DNAH7: variants seen among roughly 807,000 people sequenced by gnomAD.
The protein encoded by DNAH7 is axonemal beta dynein heavy chain 7.
Under a neutral mutation model 444.6 loss-of-function variants are expected in DNAH7, and 397 were observed. That is an observed-to-expected ratio of 0.89 (90% CI 0.82 to 0.97). The LOEUF (loss-of-function observed/expected upper bound fraction) is 0.97. DNAH7 is among the 50% of genes least tolerant of loss of function. DNAH7 has a pLI of 0.00. For synonymous variants in DNAH7, 1,636 were observed against 1,624.4 expected (o/e 1.01, Z -0.17); for missense variants, 4,902 against 4,800.8 (o/e 1.02, Z -0.62).
intron 8 of DNAH7, among the ~76,000 whole-genome samples, chr2:196,021,293 A>T (rs933009590): frequency 6.6e-6 from 1 of 152,212 alleles, no homozygotes; most frequent in Non-Finnish European, 1.5e-5. Context: ...TCGATCCATC[A>T]ACTCATAAAT....
intron 10 of DNAH7, among the ~76,000 whole-genome samples, chr2:196,011,009 G>A (rs1694698002): frequency 6.6e-6 from 1 of 152,142 alleles, no homozygotes; most frequent in Non-Finnish European, 1.5e-5. Context: ...GGAAGGGCAG[G>A]TTTGGGATGG....
At chr2:195,962,274 C>T (rs1409014969) in intron 17 of DNAH7, among the ~76,000 whole-genome samples, 3 of 152,134 alleles carry the variant, frequency 2.0e-5, no homozygotes, top group African/African-American at 7.2e-5. Context: ...GTATACAATG[C>T]CTATCATATG....
At chr2:195,956,949 T>C (rs116266236) in intron 19 of DNAH7, among the ~76,000 whole-genome samples, 2,308 of 152,240 alleles carry the variant, frequency 0.015, 54 homozygotes, top group African/African-American at 0.052. Context: ...AGCCACAGAA[T>C]AGACGGAGAC....
intron 12 of DNAH7, among the ~76,000 whole-genome samples, chr2:195,994,061 T>A (rs1693531932): frequency 6.6e-6 from 1 of 152,256 alleles, no homozygotes; most frequent in Non-Finnish European, 1.5e-5. Flanking sequence ...CCTGCAACTG[T>A]GCATTTAGAC....
At chr2:196,046,339 G>T (rs1206835902) in intron 5 of DNAH7, among the ~76,000 whole-genome samples, 2 of 152,038 alleles carry the variant, frequency 1.3e-5, no homozygotes, top group African/African-American at 4.8e-5. Context: ...AACAAGATCT[G>T]CCCTACCCTC....
At chr2:195,979,630 TAAATG>T (rs1451522587) in intron 15 of DNAH7, among the ~76,000 whole-genome samples, 2 of 151,674 alleles carry the variant, frequency 1.3e-5, no homozygotes, top group Non-Finnish European at 2.9e-5. Flanking sequence ...AGAGCAGAAA[TAAATG>T]AAATTGAAAT....
rs752278270 is a variant in DNAH7 at position 196,028,029 on chromosome 2, T to A, written c.417A>T (p.Leu139Phe). The change falls in exon 6 of 65, where the codon TTA (leucine) becomes TTT (phenylalanine). Residue 139 changes from leucine to phenylalanine, a missense_variant. Leu to Phe is a conservative substitution (Grantham distance 22, BLOSUM62 0). Transcript: ENST00000312428. The part of the protein sequence containing the change: ...VNVIMQQDAD[L>F]DSAVPDGSTI... Reference sequence around the variant, plus strand: ...TGCTTCCATCAGGGACAGCTGAGTCTAAGTCAGCATCTTGTTGCCTAAGAA... The same window carrying A: ...TGCTTCCATCAGGGACAGCTGAGTCAAAGTCAGCATCTTGTTGCCTAAGAA... The A allele has an allele frequency of 5.0e-6, 8 of 1,608,236 alleles. No individual in the cohort carries two copies. The highest frequency in any genetic ancestry group is 6.8e-6 in the Non-Finnish European group (8 of 1,176,942).
intron 1 of DNAH7, 58 bp downstream of exon 1, chr2:196,068,639 C>T (rs2125913923): frequency 1.3e-6 from 2 of 1,548,418 alleles, no homozygotes; most frequent in Non-Finnish European, 1.7e-6. Context: ...CCACCACTTC[C>T]GAAACGCCTG....
At chr2:195,932,338 C>A (rs894876787) in intron 21 of DNAH7, among the ~76,000 whole-genome samples, 2 of 152,168 alleles carry the variant, frequency 1.3e-5, no homozygotes, top group African/African-American at 4.8e-5. Context: ...GTGGGGTTTT[C>A]TAGATATACA....
chr2:195,851,968 A>G (rs1699393998), intron 46 of DNAH7, among the ~76,000 whole-genome samples: 1 of 152,146 alleles, frequency 6.6e-6, no homozygotes, highest in African/African-American at 2.4e-5. Context: ...AGTTAAAAAC[A>G]ACACCACTGG....
Position 195,900,042 on chromosome 2 carries a change from T to C in DNAH7, c.4548+240A>G, listed in dbSNP as rs1335817675. ...CATTTCTCAGGAGTAAGCAATTTTA[T>C]TCCTTGGTAGTACCCCGTTAATGAA... On this transcript the variant is annotated intron_variant, in intron 28 of 64. Transcript: ENST00000312428. 2.6e-5 allele frequency among the ~76,000 whole-genome samples: 4 copies of C among 152,214 alleles called. No homozygotes were observed. In the East Asian group the frequency reaches 7.7e-4, roughly 29 times the overall value.
chr2:195,807,676 G>T (rs866857091), intron 53 of DNAH7, among the ~76,000 whole-genome samples: 2 of 152,088 alleles, frequency 1.3e-5, no homozygotes, highest in South Asian at 4.2e-4. Context: ...GAGCCATCAG[G>T]GTACCAGAAG....
chr2:195,775,663 AC>A (rs1203832281), intron 60 of DNAH7, among the ~76,000 whole-genome samples, 182 bp downstream of exon 60: 114 of 146,640 alleles, frequency 7.8e-4, no homozygotes, highest in Non-Finnish European at 1.4e-3. Context: ...AAAAAAAAAA[AC>A]ACACGTTCAG....
At chr2:195,740,200 G>C (rs746494465) in intron 64 of DNAH7, among the ~76,000 whole-genome samples, 2 of 152,072 alleles carry the variant, frequency 1.3e-5, no homozygotes, top group African/African-American at 2.4e-5. Flanking sequence ...GGTCAGGCTG[G>C]TCTCAAACTC....
At chr2:196,012,176 T>C (rs1321500716) in intron 10 of DNAH7, among the ~76,000 whole-genome samples, 2 of 152,176 alleles carry the variant, frequency 1.3e-5, no homozygotes, top group Non-Finnish European at 2.9e-5. Flanking sequence ...TGAATTTTAA[T>C]GTCCTGTTTA....
intron 45 of DNAH7, among the ~76,000 whole-genome samples, chr2:195,854,186 A>G (rs1699562363): frequency 6.6e-6 from 1 of 152,230 alleles, no homozygotes. Flanking sequence ...AGTTCACACA[A>G]TAGCAATATT....
chr2:195,738,412 TA>T (rs10657533), intron 64 of DNAH7, among the ~76,000 whole-genome samples: 86 of 150,354 alleles, frequency 5.7e-4, no homozygotes, highest in Middle Eastern at 3.5e-3. Flanking sequence ...CTTACAATGA[TA>T]AAAAAAAAAT....
intron 5 of DNAH7, among the ~76,000 whole-genome samples, chr2:196,036,355 T>G (rs954052334): frequency 6.6e-6 from 1 of 152,032 alleles, no homozygotes; most frequent in Non-Finnish European, 1.5e-5. Flanking sequence ...AAGGCCCCAC[T>G]GACATCCCCC....
At chr2:195,930,215 C>T (rs1183431350) in intron 21 of DNAH7, among the ~76,000 whole-genome samples, 7 of 152,084 alleles carry the variant, frequency 4.6e-5, no homozygotes, top group Non-Finnish European at 8.8e-5. Context: ...TGGTGGCGCA[C>T]GCCTGTAGTA....
Sources: allele counts gnomAD v4.1 joint callset (sites outside exome capture counted in the v4.1 genomes callset), GRCh38; gene constraint gnomAD v4.1.1; transcripts MANE v1.5; gene names NCBI Gene and HGNC (gene_info 2026-07-23, HGNC 2026-07-21).